Variants in CBLB observed in about 807,000 individuals in gnomAD.
The protein encoded by CBLB is Cbl proto-oncogene B.
A neutral mutation model predicts 104.9 loss-of-function variants in CBLB; 31 were observed. The ratio of observed to expected loss-of-function variants is 0.30; its 90% CI spans 0.22 to 0.40. The LOEUF is 0.40. Among genes scored for constraint, CBLB ranks in the 10% least tolerant of loss-of-function variants. The pLI is 1.00. For synonymous variants in CBLB, 440 were observed against 422.6 expected (o/e 1.04, Z -0.51); for missense variants, 1,062 against 1,214.6 (o/e 0.87, Z 1.87).
chr3:105,711,273 G>A (rs1277982621), intron 10 of CBLB, among the ~76,000 whole-genome samples: 2 of 151,852 alleles, frequency 1.3e-5, no homozygotes, highest in Non-Finnish European at 2.9e-5. Flanking sequence ...CTATAATAAG[G>A]ATGATGAGAA....
Position 105,669,797 on chromosome 3 carries a change from A to G in CBLB, c.2689+436T>C, listed in dbSNP as rs1043559969. Among the ~76,000 whole-genome samples the G allele has an allele frequency of 2.6e-5, 4 of 152,176 alleles. No homozygotes were observed. The East Asian group carries it at 7.7e-4, about 29-fold the overall frequency. ...TGACTTGTATTTACAAAAATGGTAC[A>G]TCCTTCTATTTGATGGCTGTCAGTG... On this transcript the variant is annotated intron_variant, in intron 18 of 18. Transcript: ENST00000394030.
At chr3:105,710,290 A>G (rs1192345287) in intron 10 of CBLB, among the ~76,000 whole-genome samples, 2 of 151,802 alleles carry the variant, frequency 1.3e-5, no homozygotes, top group East Asian at 3.9e-4. Context: ...TTTCTTTGTC[A>G]CTCCTTCATG....
In CBLB at chr3:105,867,512, A is replaced by G. The variant is rs1165620218; in HGVS notation, c.66T>C (p.Ile22=). ...GRGGNPRKGR[I]LGIIDAIQDA... Reference sequence around the variant, plus strand: ...CCTGAATAGCATCAATAATACCCAAAATTCGACCTTTTCGGGGATTTCCTC... The same window carrying G: ...CCTGAATAGCATCAATAATACCCAAGATTCGACCTTTTCGGGGATTTCCTC... Residue 22 remains isoleucine (I), a synonymous_variant, in exon 2 of 19, where the codon ATT becomes ATC. Coordinates refer to ENST00000394030, the MANE Select transcript of CBLB (RefSeq NM_170662.5). The G allele has an allele frequency of 6.2e-7, 1 of 1,613,976 alleles. No individual in the cohort carries two copies. The highest frequency in any genetic ancestry group is 8.5e-7 in the Non-Finnish European group (1 of 1,180,012).
At chr3:105,742,106 G>A (rs2075658062) in intron 6 of CBLB, among the ~76,000 whole-genome samples, 1 of 152,068 alleles carries the variant, frequency 6.6e-6, no homozygotes, top group Non-Finnish European at 1.5e-5. Context: ...CTTTATTTGA[G>A]TGTACTGCAT....
At position 105,657,074 on chromosome 3, in the gene CBLB, T is replaced by A. The variant is rs988966951; in HGVS notation, c.*1896A>T. ...ACCAGCTCAGAACCATCTGAAAAAA[T>A]TCATACAAAAGCAGAAATTACCCAA... On this transcript the variant is annotated 3_prime_UTR_variant, in exon 19 of 19. Coordinates refer to ENST00000394030, the MANE Select transcript of CBLB (RefSeq NM_170662.5). 2 of 226,744 alleles carry A rather than the reference T, an allele frequency of 8.8e-6. No individual in the cohort carries two copies. Among genetic ancestry groups the A allele is most frequent in the South Asian group, 1.8e-4 (1 of 5,474 alleles). The allele number at this position is 226,744 out of a possible 1,614,324, so 14.0% of individuals were successfully genotyped here. A position where few individuals can be genotyped will look rare whatever the true frequency, so the allele number is the denominator to read the frequency against.
intron 4 of CBLB, among the ~76,000 whole-genome samples, chr3:105,772,175 G>A (rs2078952119): frequency 6.6e-6 from 1 of 152,080 alleles, no homozygotes; most frequent in African/African-American, 2.4e-5. Context: ...ATAATGACAG[G>A]CACATAGACC....
At chr3:105,837,279 C>T (rs2088688326) in intron 3 of CBLB, among the ~76,000 whole-genome samples, 5 of 152,214 alleles carry the variant, frequency 3.3e-5, no homozygotes, top group Non-Finnish European at 4.4e-5. Context: ...GGATGAAGCA[C>T]TTCTGTCAAT....
chr3:105,725,811 T>C (rs552636991), intron 9 of CBLB, among the ~76,000 whole-genome samples: 1 of 152,318 alleles, frequency 6.6e-6, no homozygotes, highest in East Asian at 1.9e-4. Flanking sequence ...ACTGGTCGCC[T>C]TTGAAGGAAG....
chr3:105,751,948 GTTAT>G (rs1020035589), intron 4 of CBLB, among the ~76,000 whole-genome samples: 1 of 152,150 alleles, frequency 6.6e-6, no homozygotes, highest in Admixed American at 6.5e-5. Flanking sequence ...TGTATACAAG[GTTAT>G]TTAATAATGA....
chr3:105,709,325 A>G (rs950640100), intron 10 of CBLB, among the ~76,000 whole-genome samples: 1 of 151,904 alleles, frequency 6.6e-6, no homozygotes, highest in African/African-American at 2.4e-5. Flanking sequence ...GCATGTTGTC[A>G]AACTGTTTCC....
rs555931003 is a variant in CBLB, at chr3:105,790,426, T to C, written c.420-13884A>G. Reference sequence around the variant, plus strand: ...ACTATCAGTTTTCCCTGTTTTCAGATTGATTTTATATGCATGAAAATTATA... The same window carrying C: ...ACTATCAGTTTTCCCTGTTTTCAGACTGATTTTATATGCATGAAAATTATA... On this transcript the variant is annotated intron_variant, in intron 3 of 18. Transcript: ENST00000394030. Among the ~76,000 whole-genome samples the C allele has an allele frequency of 3.7e-4, 57 of 152,380 alleles. 1 individual carries two copies. The South Asian group carries it at 0.011, about 30-fold the overall frequency.
intron 3 of CBLB, among the ~76,000 whole-genome samples, chr3:105,795,070 C>A (rs139525340): frequency 6.6e-6 from 1 of 152,028 alleles, no homozygotes; most frequent in Non-Finnish European, 1.5e-5. Context: ...CGCACCACCA[C>A]GCCCGGCTAA....
chr3:105,722,029 T>TA (rs974897710), intron 9 of CBLB, among the ~76,000 whole-genome samples: 1 of 151,650 alleles, frequency 6.6e-6, no homozygotes, highest in Non-Finnish European at 1.5e-5. Context: ...CTTGTCTCTA[T>TA]AAAAAATAAA....
At chr3:105,822,845 C>T (rs530800350) in intron 3 of CBLB, among the ~76,000 whole-genome samples, 92 of 152,290 alleles carry the variant, frequency 6.0e-4, no homozygotes, top group Middle Eastern at 3.4e-3. Context: ...CTCTCTGTAA[C>T]TTCACTGCTC....
intron 3 of CBLB, among the ~76,000 whole-genome samples, chr3:105,784,104 T>A (rs1398366975): frequency 1.3e-5 from 2 of 152,198 alleles, no homozygotes; most frequent in Non-Finnish European, 2.9e-5. Flanking sequence ...TTCATTTGGT[T>A]TAAAAGCTTA....
chr3:105,850,597 C>A (rs1426499837), intron 3 of CBLB, among the ~76,000 whole-genome samples: 1 of 152,066 alleles, frequency 6.6e-6, no homozygotes, highest in African/African-American at 2.4e-5. Context: ...AAAACTCTAT[C>A]ATTTTCCTTA....
At chr3:105,865,062 A>C (rs2092346749) in intron 2 of CBLB, among the ~76,000 whole-genome samples, 1 of 152,154 alleles carries the variant, frequency 6.6e-6, no homozygotes, top group South Asian at 2.1e-4. Flanking sequence ...ATGCTATTGC[A>C]GTTATTTTTT....
intron 18 of CBLB, 60 bp from the exon 19 acceptor site, chr3:105,659,289 T>C: frequency 7.0e-7 from 1 of 1,422,786 alleles, no homozygotes; most frequent in Non-Finnish European, 9.9e-7. Flanking sequence ...GAAGGCAAGA[T>C]AACATAACAG....
intron 3 of CBLB, among the ~76,000 whole-genome samples, chr3:105,815,390 T>C (rs1246936723): frequency 6.6e-6 from 1 of 152,208 alleles, no homozygotes; most frequent in Non-Finnish European, 1.5e-5. Flanking sequence ...TGGCTTTATA[T>C]TACAATGGAA....
Sources: gnomAD v4.1 joint callset for allele counts (sites outside exome capture counted in the v4.1 genomes callset) on GRCh38, gnomAD v4.1.1 for gene constraint, MANE v1.5 for transcripts, NCBI Gene and HGNC (gene_info 2026-07-23, HGNC 2026-07-21) for gene names.